BAIAP2: variants seen among roughly 807,000 people sequenced by gnomAD.
BAIAP2 encodes the protein BAR/IMD domain containing adaptor protein 2.
A neutral mutation model predicts 63.0 loss-of-function variants in BAIAP2; 18 were observed. The observed-to-expected ratio is 0.29, with a 90% confidence interval of 0.20 to 0.42. The LOEUF (loss-of-function observed/expected upper bound fraction) is 0.42, where lower values mean the gene tolerates loss of function less well. Among genes scored for constraint, BAIAP2 ranks in the 10% least tolerant of loss-of-function variants. The pLI is 1.00. For synonymous variants in BAIAP2, 386 were observed against 307.6 expected (o/e 1.25, Z -2.67); for missense variants, 610 against 734.3 (o/e 0.83, Z 1.96).
Position 81,068,066 on chromosome 17 carries a change from G to A in BAIAP2, c.217+10099G>A, listed in dbSNP as rs2144694906. On this transcript the variant is annotated intron_variant, in intron 3 of 13. Coordinates refer to ENST00000428708, the MANE Select transcript of BAIAP2 (RefSeq NM_001144888.2). ...CTGTGGGCAGGTGTCTGCATCTCTGGGGTCCTGGGGGACGTGGGTCCCATG... is the reference window on the plus strand; with the variant it reads ...CTGTGGGCAGGTGTCTGCATCTCTGAGGTCCTGGGGGACGTGGGTCCCATG... Among the ~76,000 whole-genome samples the A allele has an allele frequency of 2.0e-5, 3 of 152,356 alleles. 1 individual carries two copies. The highest frequency in any genetic ancestry group is 1.9e-4 in the East Asian group (1 of 5,182).
Position 81,104,495 on chromosome 17 carries a change from C to T in BAIAP2, c.1067-19C>T, listed in dbSNP as rs372390539. The T allele has an allele frequency of 1.8e-5, 29 of 1,577,900 alleles. No individual in the cohort carries two copies. The highest frequency in any genetic ancestry group is 2.3e-5 in the East Asian group (1 of 44,228). On this transcript the variant is annotated intron_variant, in intron 9 of 13. Transcript: ENST00000428708. ...CGCCAGCCAGGGGCAGTCCCCTTAC[C>T]TGTCCCTTGTCCCAGCAGCCGAGAA... is the stretch of plus-strand genomic sequence containing the variant.
intron 1 of BAIAP2, among the ~76,000 whole-genome samples, chr17:81,047,388 C>T (rs1189080960): frequency 6.6e-6 from 1 of 152,160 alleles, no homozygotes; most frequent in Non-Finnish European, 1.5e-5. Flanking sequence ...GGGTCTAAGG[C>T]AGCCGGAGAG....
rs1340601225 is a variant in BAIAP2, at chr17:81,035,201, T to C, written c.-54T>C. ...GTCCTGCTGCCGTTACCGCCGCTGCTGCCGCCGCTTGCGTCCCCCGCTCCG... is the reference window on the plus strand; with the variant it reads ...GTCCTGCTGCCGTTACCGCCGCTGCCGCCGCCGCTTGCGTCCCCCGCTCCG... On this transcript the variant is annotated 5_prime_UTR_variant, in exon 1 of 14. Coordinates refer to ENST00000428708, the MANE Select transcript of BAIAP2 (RefSeq NM_001144888.2). 3.5e-6 allele frequency: 5 copies of C among 1,410,890 alleles called. No homozygotes were observed. Among genetic ancestry groups the C allele is most frequent in the African/African-American group, 3.0e-5 (2 of 66,660 alleles). 87.4% of individuals were successfully genotyped at this position (1,410,890 alleles called of 1,614,324 possible). A position where few individuals can be genotyped will look rare whatever the true frequency, so the allele number is the denominator to read the frequency against.
At chr17:81,084,449 G>C (rs1218995551) in intron 3 of BAIAP2, among the ~76,000 whole-genome samples, 3 of 152,156 alleles carry the variant, frequency 2.0e-5, no homozygotes, top group African/African-American at 7.2e-5. Context: ...CCTGAGGTAG[G>C]AGGTTCGGAG....
chr17:81,077,696 G>A (rs1303997181), intron 3 of BAIAP2, among the ~76,000 whole-genome samples: 24 of 152,274 alleles, frequency 1.6e-4, no homozygotes, highest in Non-Finnish European at 5.9e-5. Flanking sequence ...TGCTGAGTAT[G>A]CGGGTGGCTG....
chr17:81,088,661 G>A lies in BAIAP2; in HGVS notation c.489+2081G>A, dbSNP rs2056156721. 5.3e-5 allele frequency among the ~76,000 whole-genome samples: 8 copies of A among 152,288 alleles called. No homozygotes were observed. In the South Asian group the frequency reaches 1.2e-3, roughly 24 times the overall value. ...GCACGGAGGGTTCTTAAAGCTCATC[G>A]TGCCGTAGCCTGCGCCAGCCTCCTC... On this transcript the variant is annotated intron_variant, in intron 6 of 13. Transcript: ENST00000428708.
chr17:81,116,398 C>T lies in BAIAP2; in HGVS notation c.*559C>T, dbSNP rs62073016. On this transcript the variant is annotated 3_prime_UTR_variant, in exon 14 of 14. Transcript: ENST00000428708. ...CCCCATGCCCCTCGGTGGGGCTCTC[C>T]TGGGCCCCTCACTCCCACTGGCAAT... 576,680 of 1,503,526 alleles carry T rather than the reference C, an allele frequency of 0.38. 111,992 individuals carry two copies. Among genetic ancestry groups the T allele is most frequent in the East Asian group, 0.46 (19,137 of 41,810 alleles). 93.1% of individuals were successfully genotyped at this position (1,503,526 alleles called of 1,614,324 possible). A position where few individuals can be genotyped will look rare whatever the true frequency, so the allele number is the denominator to read the frequency against.
intron 7 of BAIAP2, 31 bp from the exon 8 acceptor site, chr17:81,103,471 G>A (rs1242101689): frequency 6.5e-7 from 1 of 1,536,872 alleles, no homozygotes; most frequent in East Asian, 2.4e-5. Flanking sequence ...AGCCGGCCCT[G>A]ACCCCTCCCT....
chr17:81,044,199 G>T (rs2047476037), intron 1 of BAIAP2, among the ~76,000 whole-genome samples: 1 of 152,238 alleles, frequency 6.6e-6, no homozygotes, highest in East Asian at 1.9e-4. Context: ...AGCCACGGTT[G>T]CTCCTCCAGC....
At chr17:81,052,215 A>G (rs1214534742) in intron 1 of BAIAP2, among the ~76,000 whole-genome samples, 1 of 152,136 alleles carries the variant, frequency 6.6e-6, no homozygotes, top group East Asian at 1.9e-4. Flanking sequence ...GCTCTCTGGC[A>G]TGGAAAGTGC....
chr17:81,088,995 C>T (rs1297894303), intron 6 of BAIAP2, among the ~76,000 whole-genome samples: 1 of 152,270 alleles, frequency 6.6e-6, no homozygotes, highest in East Asian at 1.9e-4. Flanking sequence ...AGGTGCCCTG[C>T]CTCCCACTGC....
intron 3 of BAIAP2, among the ~76,000 whole-genome samples, chr17:81,078,732 G>A (rs975082690): frequency 3.9e-5 from 6 of 151,980 alleles, no homozygotes; most frequent in African/African-American, 1.4e-4. Flanking sequence ...TGGGAGCTGG[G>A]CGTCTGCCTT....
intron 1 of BAIAP2, among the ~76,000 whole-genome samples, chr17:81,049,051 G>T (rs567871090): frequency 6.6e-6 from 1 of 152,362 alleles, no homozygotes; most frequent in African/African-American, 2.4e-5. Flanking sequence ...AATAGTGAAT[G>T]AACAAACGAG....
At position 81,078,219 on chromosome 17, in the gene BAIAP2, C is replaced by T. The variant is rs1280096192; in HGVS notation, c.218-6613C>T. On this transcript the variant is annotated intron_variant, in intron 3 of 13. Coordinates refer to ENST00000428708, the MANE Select transcript of BAIAP2 (RefSeq NM_001144888.2). Reference sequence around the variant, plus strand: ...GATGCTGTGGGTGCAGGTTCCACCTCGGAGCTGGGTGCTGTGGGTACGGGT... The same window carrying T: ...GATGCTGTGGGTGCAGGTTCCACCTTGGAGCTGGGTGCTGTGGGTACGGGT... Among the ~76,000 whole-genome samples the T allele has an allele frequency of 4.2e-4, 51 of 120,494 alleles. 1 individual carries two copies. Among genetic ancestry groups the T allele is most frequent in the Non-Finnish European group, 5.6e-4 (32 of 57,108 alleles). 79.0% of individuals were successfully genotyped at this position (120,494 alleles called of 152,430 possible). A position where few individuals can be genotyped will look rare whatever the true frequency, so the allele number is the denominator to read the frequency against.
chr17:81,098,956 C>G (rs1598772545), intron 6 of BAIAP2, among the ~76,000 whole-genome samples: 1 of 147,614 alleles, frequency 6.8e-6, no homozygotes, highest in East Asian at 2.0e-4. Flanking sequence ...GGGACACATT[C>G]TCCCCGTCCC....
At chr17:81,107,106 C>T in intron 12 of BAIAP2, 199 bp downstream of exon 12, 2 of 644,462 alleles carry the variant, frequency 3.1e-6, no homozygotes, top group Non-Finnish European at 4.9e-6. Context: ...CTCGCCGCAG[C>T]AGGCTCCCTG....
intron 13 of BAIAP2, among the ~76,000 whole-genome samples, chr17:81,115,061 G>A (rs1568206184): frequency 6.6e-6 from 1 of 152,240 alleles, no homozygotes; most frequent in Admixed American, 6.5e-5. Context: ...AAAGGCTCAG[G>A]CATCCCTCTC....
intron 3 of BAIAP2, among the ~76,000 whole-genome samples, chr17:81,084,584 A>G (rs565993535): frequency 6.6e-6 from 1 of 152,056 alleles, no homozygotes; most frequent in South Asian, 2.1e-4. Context: ...CTTTGCAGAG[A>G]CTCAAGTTCC....
At chr17:81,106,439 C>T (rs2059189987) in intron 11 of BAIAP2, among the ~76,000 whole-genome samples, 1 of 152,104 alleles carries the variant, frequency 6.6e-6, no homozygotes. Context: ...CCCAGGTCCT[C>T]CAGGTTCTCC....
Sources: gnomAD v4.1 joint callset for allele counts (sites outside exome capture counted in the v4.1 genomes callset) on GRCh38, gnomAD v4.1.1 for gene constraint, MANE v1.5 for transcripts, NCBI Gene and HGNC (gene_info 2026-07-23, HGNC 2026-07-21) for gene names.